The following BRD10 variants were observed in gnomAD, a reference collection of about 807,000 sequenced individuals.
BRD10 encodes the protein bromodomain containing 10.
the BRD10 span, chr9:5,988,343 A>G: frequency 6.2e-7 from 1 of 1,607,040 alleles, no homozygotes; most frequent in Non-Finnish European, 8.5e-7. Context: ...CTTAACATTT[A>G]CCTTTTTTCT....
chr9:5,931,547 C>A, the BRD10 span, among the ~76,000 whole-genome samples: 1 of 152,144 alleles, frequency 6.6e-6, no homozygotes, highest in Admixed American at 6.6e-5. Flanking sequence ...AACTTACCCA[C>A]TAATCTGTTT....
chr9:5,971,786 C>G, the BRD10 span, among the ~76,000 whole-genome samples: 3 of 151,912 alleles, frequency 2.0e-5, no homozygotes, highest in Non-Finnish European at 4.4e-5. Flanking sequence ...TTCCTCTGTA[C>G]AGAGCTAGGA....
chr9:5,926,348 C>A, the BRD10 span, among the ~76,000 whole-genome samples: 2 of 152,030 alleles, frequency 1.3e-5, no homozygotes, highest in Non-Finnish European at 2.9e-5. Context: ...CGCTTTGTCG[C>A]CAGGCTGGAG....
chr9:5,942,557 T>C, the BRD10 span, among the ~76,000 whole-genome samples: 1 of 152,340 alleles, frequency 6.6e-6, no homozygotes, highest in Middle Eastern at 3.4e-3. Flanking sequence ...TATTGTCTAT[T>C]TGCTTTTTGC....
At chr9:5,938,276 T>A in the BRD10 span, among the ~76,000 whole-genome samples, 38,898 of 151,852 alleles carry the variant, frequency 0.26, 5,226 homozygotes, top group South Asian at 0.36. Context: ...CCTTATCTCT[T>A]CCAAAAGATA....
chr9:5,990,487 A>G, the BRD10 span, among the ~76,000 whole-genome samples: 1 of 152,234 alleles, frequency 6.6e-6, no homozygotes, highest in South Asian at 2.1e-4. Context: ...AAATTGTTAC[A>G]TAAGGTCAGA....
the BRD10 span, among the ~76,000 whole-genome samples, chr9:5,916,588 T>C: frequency 8.1e-6 from 1 of 123,256 alleles, no homozygotes; most frequent in African/African-American, 3.2e-5. Flanking sequence ...ATATATAACA[T>C]ATATATAAAA....
chr9:5,906,589 C>T, the BRD10 span, among the ~76,000 whole-genome samples: 1 of 152,204 alleles, frequency 6.6e-6, no homozygotes, highest in Admixed American at 6.5e-5. Context: ...TGTAGATTCA[C>T]TCTTCTTATC....
chr9:5,909,344 C>T, the BRD10 span: 17 of 152,606 alleles, frequency 1.1e-4, no homozygotes, highest in Non-Finnish European at 2.2e-4. Context: ...CCATAACCTC[C>T]GCCTCCCAGG....
At chr9:6,008,450 G>C in the BRD10 span, among the ~76,000 whole-genome samples, 7 of 151,850 alleles carry the variant, frequency 4.6e-5, no homozygotes, top group African/African-American at 1.7e-4. Context: ...AGCAAAGAAA[G>C]AGGCCCTGTC....
At chr9:5,923,666 T>C in the BRD10 span, among the ~76,000 whole-genome samples, 1 of 152,214 alleles carries the variant, frequency 6.6e-6, no homozygotes, top group Non-Finnish European at 1.5e-5. Flanking sequence ...CAAAGGAATC[T>C]AGTTCTCTTT....
the BRD10 span, chr9:6,008,376 G>A: frequency 1.1e-6 from 1 of 881,454 alleles, no homozygotes; most frequent in Non-Finnish European, 1.4e-6. Flanking sequence ...GGGGAGAAAG[G>A]GGAGGGGCAG....
chr9:5,919,545 C>CAG, the BRD10 span: 1 of 525,386 alleles, frequency 1.9e-6, no homozygotes, highest in Admixed American at 3.3e-5. Flanking sequence ...TACATTAAAA[C>CAG]ACACACACAC....
chr9:5,912,784 G>A, the BRD10 span, among the ~76,000 whole-genome samples: 1 of 152,184 alleles, frequency 6.6e-6, no homozygotes, highest in Non-Finnish European at 1.5e-5. Context: ...GGCTGGGAAT[G>A]GGTAATGGCA....
chr9:5,939,375 A>G, the BRD10 span, among the ~76,000 whole-genome samples: 1 of 152,224 alleles, frequency 6.6e-6, no homozygotes, highest in Non-Finnish European at 1.5e-5. Context: ...AGTTAAGAAC[A>G]TATCACATCA....
the BRD10 span, among the ~76,000 whole-genome samples, chr9:5,937,516 A>G: frequency 6.6e-6 from 1 of 152,170 alleles, no homozygotes; most frequent in Admixed American, 6.6e-5. Flanking sequence ...GCCTAGGCAA[A>G]TGAACAAGAC....
At chr9:5,900,240 C>A in the BRD10 span, among the ~76,000 whole-genome samples, 1 of 152,152 alleles carries the variant, frequency 6.6e-6, no homozygotes, top group Non-Finnish European at 1.5e-5. Context: ...GAACATTTTG[C>A]TTGGTAAGTT....
At chr9:5,975,385 G>C in the BRD10 span, among the ~76,000 whole-genome samples, 21 of 128,640 alleles carry the variant, frequency 1.6e-4, no homozygotes, top group African/African-American at 6.3e-4. Flanking sequence ...GTTGCAGTGA[G>C]CCAGGATCGC....
chr9:5,921,247 A>G, the BRD10 span: 1 of 1,613,978 alleles, frequency 6.2e-7, no homozygotes, highest in African/African-American at 1.3e-5. Context: ...AAGTATTTAC[A>G]ATTGCTTGAC....
Sources: gnomAD v4.1 joint callset for allele counts (sites outside exome capture counted in the v4.1 genomes callset) on GRCh38, gnomAD v4.1.1 for gene constraint, MANE v1.5 for transcripts, NCBI Gene and HGNC (gene_info 2026-07-23, HGNC 2026-07-21) for gene names.